The following GALNTL6 variants were observed in gnomAD, a reference collection of about 807,000 sequenced individuals.
GALNTL6 encodes the protein polypeptide N-acetylgalactosaminyltransferase like 6, also known as polypeptide N-acetylgalactosaminyltransferase-like 6.
A neutral mutation model predicts 73.7 loss-of-function variants in GALNTL6; 46 were observed. The ratio of observed to expected loss-of-function variants is 0.62; its 90% CI spans 0.49 to 0.80. GALNTL6 has a LOEUF of 0.80. Among genes scored for constraint, GALNTL6 ranks in the 30% least tolerant of loss-of-function variants. The probability of loss-of-function intolerance (pLI) is 0.00; values close to 1 mark genes in which losing one functional copy is unlikely to be tolerated. For missense variants in GALNTL6, 604 were observed against 755.0 expected (o/e 0.80, Z 2.34); for synonymous variants, 259 against 263.7 (o/e 0.98, Z 0.17).
At chr4:171,932,122 G>A (rs1026378516) in intron 2 of GALNTL6, among the ~76,000 whole-genome samples, 5 of 152,124 alleles carry the variant, frequency 3.3e-5, no homozygotes, top group Non-Finnish European at 5.9e-5. Flanking sequence ...TTTTTTGTGA[G>A]GGTGACTTTA....
chr4:173,022,022 GGAAGGAAA>G (rs1468286864), intron 12 of GALNTL6, among the ~76,000 whole-genome samples: 3 of 129,768 alleles, frequency 2.3e-5, no homozygotes, highest in Admixed American at 8.8e-5. Flanking sequence ...AGAAAAGGAA[GGAAGGAAA>G]GAAGGAAGGA....
At chr4:171,867,835 A>ATGCTCAT (rs1736011767) in intron 2 of GALNTL6, among the ~76,000 whole-genome samples, 1 of 152,280 alleles carries the variant, frequency 6.6e-6, no homozygotes, top group Admixed American at 6.5e-5. Flanking sequence ...GCTCACTACT[A>ATGCTCAT]TGCTCATTCA....
intron 3 of GALNTL6, among the ~76,000 whole-genome samples, chr4:172,230,481 G>A (rs1341292551): frequency 2.1e-5 from 3 of 140,580 alleles, no homozygotes; most frequent in African/African-American, 7.9e-5. Flanking sequence ...CAGCTACTCA[G>A]GAGGCTGAGG....
intron 5 of GALNTL6, among the ~76,000 whole-genome samples, chr4:172,735,373 G>C (rs1736399600): frequency 6.6e-6 from 1 of 152,100 alleles, no homozygotes; most frequent in Non-Finnish European, 1.5e-5. Context: ...ATTTGTATGG[G>C]GCCTGTAACC....
At chr4:172,156,540 A>AT (rs58197299) in intron 2 of GALNTL6, among the ~76,000 whole-genome samples, 6 of 125,158 alleles carry the variant, frequency 4.8e-5, no homozygotes, top group South Asian at 4.8e-4. Flanking sequence ...ATATATATAT[A>AT]ATATATATAT....
At chr4:173,034,739 CT>C (rs1442777836) in intron 12 of GALNTL6, among the ~76,000 whole-genome samples, 1 of 152,146 alleles carries the variant, frequency 6.6e-6, no homozygotes, top group Non-Finnish European at 1.5e-5. Context: ...ACTCCAGGTC[CT>C]TCTGACCGCC....
chr4:172,021,073 TA>T (rs1332589734), intron 2 of GALNTL6, among the ~76,000 whole-genome samples: 16 of 152,004 alleles, frequency 1.1e-4, no homozygotes, highest in African/African-American at 3.9e-4. Context: ...CAATTGATGC[TA>T]AAAAAATTGA....
At chr4:172,293,366 CTCAT>C (rs1303882861) in intron 3 of GALNTL6, among the ~76,000 whole-genome samples, 1 of 152,056 alleles carries the variant, frequency 6.6e-6, no homozygotes, top group Non-Finnish European at 1.5e-5. Flanking sequence ...TTTGTGGTCA[CTCAT>C]GATGAAATTA....
intron 5 of GALNTL6, among the ~76,000 whole-genome samples, chr4:172,416,026 A>G (rs1246963489): frequency 6.6e-6 from 1 of 152,102 alleles, no homozygotes; most frequent in African/African-American, 2.4e-5. Flanking sequence ...TGGGCATAAG[A>G]CAATATGAGG....
chr4:172,262,595 A>G lies in GALNTL6; in HGVS notation c.247+32831A>G, dbSNP rs898078873. Among the ~76,000 whole-genome samples, 4 of 151,666 alleles carry G rather than the reference A, an allele frequency of 2.6e-5. No individual in the cohort carries two copies. The Admixed American group carries it at 2.6e-4, about 10-fold the overall frequency. ...GCCATTCTGCCATTCTGTATCTTTT[A>G]AATGGAGCATTTAGGCCATTTACCT... On this transcript the variant is annotated intron_variant, in intron 3 of 12. Transcript: ENST00000506823.
rs392614 is a variant in GALNTL6 at position 171,953,689 on chromosome 4, G to A, written c.138+138971G>A. Among the ~76,000 whole-genome samples, 7 of 151,798 alleles carry A rather than the reference G, an allele frequency of 4.6e-5. No homozygotes were observed. In the South Asian group the frequency reaches 1.5e-3, roughly 31 times the overall value. On this transcript the variant is annotated intron_variant, in intron 2 of 12. Transcript: ENST00000506823. ...ACATTAAAATTGAGTATAATTGTATGAAAAAGCAACATACATGGAGGACAA... is the reference window on the plus strand; with the variant it reads ...ACATTAAAATTGAGTATAATTGTATAAAAAAGCAACATACATGGAGGACAA...
chr4:172,736,899 GACAATTCCCCTGC>G (rs1251956386), intron 5 of GALNTL6, among the ~76,000 whole-genome samples: 1 of 152,102 alleles, frequency 6.6e-6, no homozygotes, highest in Non-Finnish European at 1.5e-5. Context: ...TTTTATAAAG[GACAATTCCCCTGC>G]ACATGCTCTC....
chr4:172,158,936 G>C (rs954936511), intron 2 of GALNTL6, among the ~76,000 whole-genome samples: 2 of 152,142 alleles, frequency 1.3e-5, no homozygotes, highest in African/African-American at 4.8e-5. Flanking sequence ...GAAATTATTT[G>C]ATCACCTTCA....
rs541637509 is a variant in GALNTL6, at chr4:172,969,528, A to G, written c.1371+17270A>G. Among the ~76,000 whole-genome samples the G allele has an allele frequency of 7.9e-5, 12 of 152,376 alleles. No homozygotes were observed. The South Asian group carries it at 2.1e-3, about 26-fold the overall frequency. On this transcript the variant is annotated intron_variant, in intron 10 of 12. Transcript: ENST00000506823. The stretch of plus-strand genomic sequence containing the variant: ...AACCATCAACACTGAAACACTTTCT[A>G]ATAAAATGGTTGTATTGTTAAAACA...
intron 2 of GALNTL6, among the ~76,000 whole-genome samples, chr4:172,220,192 T>G (rs551438115): frequency 1.3e-5 from 2 of 151,868 alleles, no homozygotes; most frequent in South Asian, 4.1e-4. Context: ...ACCTGTAGAA[T>G]GTAAGCTCTT....
chr4:172,772,629 T>C (rs1227896374), intron 5 of GALNTL6, among the ~76,000 whole-genome samples: 2 of 152,202 alleles, frequency 1.3e-5, no homozygotes, highest in East Asian at 3.8e-4. Flanking sequence ...TCCAACTTGG[T>C]TCTTCTGTCT....
intron 3 of GALNTL6, among the ~76,000 whole-genome samples, chr4:172,307,664 G>A (rs1325885267): frequency 6.6e-6 from 1 of 152,134 alleles, no homozygotes; most frequent in Non-Finnish European, 1.5e-5. Context: ...TCAGTTGGCT[G>A]TAAGTATTTG....
rs1235701831 is a variant in GALNTL6 at position 171,824,075 on chromosome 4, TTTTATATATATA to T, written c.138+9359_138+9370del. ...CTCTTAAGTCCTCAACACAAATCCATTTTATATATATATATATATATATATATATATATATGT... is the reference window on the plus strand; with the variant it reads ...CTCTTAAGTCCTCAACACAAATCCATTATATATATATATATATATATATGT... On this transcript the variant is annotated intron_variant, in intron 2 of 12. Transcript: ENST00000506823. Among the ~76,000 whole-genome samples, 8 of 37,726 alleles carry T rather than the reference TTTTATATATATA, an allele frequency of 2.1e-4. No individual in the cohort carries two copies. The East Asian group carries it at 6.3e-3, about 30-fold the overall frequency. 24.7% of individuals were successfully genotyped at this position (37,726 alleles called of 152,430 possible). A position where few individuals can be genotyped will look rare whatever the true frequency, so the allele number is the denominator to read the frequency against.
At chr4:172,831,398 T>G (rs1487865135) in intron 7 of GALNTL6, among the ~76,000 whole-genome samples, 1 of 152,178 alleles carries the variant, frequency 6.6e-6, no homozygotes, top group African/African-American at 2.4e-5. Context: ...GCAGATGCTC[T>G]GCAAACTGCT....
Sources: allele counts gnomAD v4.1 joint callset (sites outside exome capture counted in the v4.1 genomes callset), GRCh38; gene constraint gnomAD v4.1.1; transcripts MANE v1.5; gene names NCBI Gene and HGNC (gene_info 2026-07-23, HGNC 2026-07-21).